Variants in CBR4 observed in about 807,000 individuals in gnomAD.
The protein encoded by CBR4 is 3-oxoacyl-[acyl-carrier-protein] reductase.
In CBR4, 22 loss-of-function variants were observed where a neutral mutation model predicts 21.0. The observed-to-expected ratio is 1.05, with a 90% confidence interval of 0.75 to 1.50. CBR4 has a LOEUF of 1.50. CBR4 is among the 40% of genes most tolerant of loss of function. The pLI is 0.00. For synonymous variants in CBR4, 100 were observed against 104.4 expected (o/e 0.96, Z 0.26); for missense variants, 302 against 286.3 (o/e 1.05, Z -0.40).
At chr4:168,985,291 GCTCA>G (rs60972266), downstream of CBR4, among the ~76,000 whole-genome samples, 3,971 of 152,214 alleles carry the variant, frequency 0.026, 130 homozygotes, top group African/African-American at 0.076. Flanking sequence ...ACGAAAAAAT[GCTCA>G]CTATCACTAA....
intron 1 of CBR4, 121 bp downstream of exon 1, chr4:169,009,827 C>T: frequency 1.1e-6 from 1 of 899,498 alleles, no homozygotes; most frequent in Non-Finnish European, 1.6e-6. Flanking sequence ...AGCGCCTGCA[C>T]GCGGCTACAT....
intron 2 of CBR4, among the ~76,000 whole-genome samples, chr4:168,913,136 CTTTT>C (rs33986728): frequency 1.2e-4 from 14 of 119,004 alleles, no homozygotes; most frequent in Non-Finnish European, 2.2e-4. Context: ...ATGCCACTAA[CTTTT>C]TTTTTTTTTT....
intron 2 of CBR4, among the ~76,000 whole-genome samples, chr4:168,939,618 G>A (rs909086259): frequency 2.0e-5 from 3 of 152,178 alleles, no homozygotes; most frequent in Admixed American, 1.3e-4. Context: ...CAAAATCAGT[G>A]AGCAAAAATC....
Position 168,990,302 on chromosome 4 carries a change from C to G in CBR4, c.562G>C (p.Asp188His), listed in dbSNP as rs758324454. 1.2e-6 allele frequency: 2 copies of G among 1,611,224 alleles called. No individual in the cohort carries two copies. The highest frequency in any genetic ancestry group is 2.7e-5 in the African/African-American group (2 of 74,866). ...PGFVHTDMTK[D>H]LKEEHLKKNI... is the part of the protein sequence containing the mutation. ...TTCTTTAAATGTTCTTCTTTCAAGTCTTTCGTCATATCTGTGTGTACAAAT... is the reference window on the plus strand; with the variant it reads ...TTCTTTAAATGTTCTTCTTTCAAGTGTTTCGTCATATCTGTGTGTACAAAT... The change falls in exon 5 of 5, where the codon GAC (aspartate) becomes CAC (histidine). Residue 188 changes from aspartate to histidine, a missense_variant. Asp to His is a moderately conservative substitution (Grantham distance 81). Coordinates refer to ENST00000306193, the MANE Select transcript of CBR4 (RefSeq NM_032783.5).
chr4:168,993,655 TTTAAG>T (rs1399903449), intron 4 of CBR4, among the ~76,000 whole-genome samples: 1 of 152,230 alleles, frequency 6.6e-6, no homozygotes, highest in Non-Finnish European at 1.5e-5. Context: ...ACAATTATCC[TTTAAG>T]TTCTTTTCAA....
intron 2 of CBR4, among the ~76,000 whole-genome samples, chr4:168,952,057 T>C (rs935729979): frequency 1.3e-5 from 2 of 152,206 alleles, no homozygotes; most frequent in Admixed American, 1.3e-4. Context: ...CCAAATATTC[T>C]TAGGTTTGGT....
chr4:168,898,624 A>G lies in CBR4; in HGVS notation n.170-3859T>C, dbSNP rs757114919. The G allele has an allele frequency of 7.4e-6, 12 of 1,613,932 alleles. No homozygotes were observed. The highest frequency in any genetic ancestry group is 5.5e-5 in the South Asian group (5 of 91,088). ...TGCCTGTGGAAAATGGAATGGCACC[A>G]TTCTTTGAGATGAAGCTGAAACATT... On this transcript the variant is annotated intron_variant and non_coding_transcript_variant, in intron 2 of 3. Coordinates refer to the CBR4 transcript ENST00000509108.
chr4:168,961,359 C>G (rs1763847279), intron 2 of CBR4, among the ~76,000 whole-genome samples: 1 of 152,074 alleles, frequency 6.6e-6, no homozygotes, highest in South Asian at 2.1e-4. Flanking sequence ...AGAGTTGTCT[C>G]AATATCTATA....
rs1465308549 is a variant in CBR4 at position 168,988,971 on chromosome 4, C to T, written c.*1179G>A. ...GACACTGAAAATATCATACTATTCC[C>T]GATAAAAAGAGTTTAATGCAAAATA... On this transcript the variant is annotated 3_prime_UTR_variant, in exon 5 of 5. Transcript: ENST00000306193. The T allele has an allele frequency of 7.1e-6, 7 of 983,372 alleles. No homozygotes were observed. Among genetic ancestry groups the T allele is most frequent in the Non-Finnish European group, 8.5e-6 (7 of 828,148 alleles). The allele number at this position is 983,372 out of a possible 1,614,324, so 60.9% of individuals were successfully genotyped here.
chr4:168,958,385 C>G (rs966494768), intron 2 of CBR4, among the ~76,000 whole-genome samples: 44 of 152,042 alleles, frequency 2.9e-4, no homozygotes, highest in Admixed American at 1.3e-4. Flanking sequence ...TGCAATTTAT[C>G]TATGTGTATA....
intron 2 of CBR4, among the ~76,000 whole-genome samples, chr4:168,959,561 C>CTT (rs750848079): frequency 5.1e-4 from 26 of 50,882 alleles, no homozygotes; most frequent in Non-Finnish European, 7.1e-4. Context: ...TTATCAATTT[C>CTT]TTTTTTTTTT....
intron 2 of CBR4, among the ~76,000 whole-genome samples, chr4:168,959,023 A>C (rs1416730681): frequency 6.6e-6 from 1 of 152,070 alleles, no homozygotes; most frequent in African/African-American, 2.4e-5. Context: ...TATCTTCCAA[A>C]GAGCAAAATT....
At chr4:168,937,044 C>T (rs746561704) in intron 2 of CBR4, among the ~76,000 whole-genome samples, 1 of 152,202 alleles carries the variant, frequency 6.6e-6, no homozygotes, top group East Asian at 1.9e-4. Context: ...GAGAAAGATC[C>T]TCCTTTGGAG....
intron 2 of CBR4, among the ~76,000 whole-genome samples, chr4:168,897,479 C>T (rs1195115864): frequency 1.3e-5 from 2 of 152,156 alleles, no homozygotes; most frequent in East Asian, 1.9e-4. Flanking sequence ...CAGGGTCTCA[C>T]TCTTTTGCCC....
intron 1 of CBR4, 134 bp downstream of exon 1, chr4:169,009,814 G>A (rs1458291): frequency 0.1 from 80,510 of 789,116 alleles, 4,575 homozygotes; most frequent in Middle Eastern, 0.15. Context: ...CTTGGAACGG[G>A]AGAGCGCCTG....
chr4:168,933,309 G>A (rs1716920691), intron 2 of CBR4, among the ~76,000 whole-genome samples: 1 of 152,096 alleles, frequency 6.6e-6, no homozygotes, highest in East Asian at 1.9e-4. Context: ...TGAAAGTGAA[G>A]GGATGGAAAA....
chr4:168,943,569 C>G (rs1319321230), intron 2 of CBR4, among the ~76,000 whole-genome samples: 1 of 152,142 alleles, frequency 6.6e-6, no homozygotes, highest in African/African-American at 2.4e-5. Flanking sequence ...TGAACAACTT[C>G]CAGCCCAAGT....
At chr4:168,962,281 G>A (rs1763886564) in intron 2 of CBR4, among the ~76,000 whole-genome samples, 1 of 152,018 alleles carries the variant, frequency 6.6e-6, no homozygotes, top group African/African-American at 2.4e-5. Context: ...TACATTCACA[G>A]CAAAGTGTTT....
At chr4:168,925,618 T>TAAAGA (rs1553985316) in intron 2 of CBR4, among the ~76,000 whole-genome samples, 1 of 152,146 alleles carries the variant, frequency 6.6e-6, no homozygotes, top group African/African-American at 2.4e-5. Context: ...ATCCCAAATT[T>TAAAGA]AAAGAAAATT....
Sources: gnomAD v4.1 joint callset for allele counts (sites outside exome capture counted in the v4.1 genomes callset) on GRCh38, gnomAD v4.1.1 for gene constraint, MANE v1.5 for transcripts, NCBI Gene and HGNC (gene_info 2026-07-23, HGNC 2026-07-21) for gene names.